Variants in DNAJB4 observed in about 807,000 individuals in gnomAD.
DNAJB4 encodes the protein DnaJ heat shock protein family (Hsp40) member B4.
In DNAJB4, 10 loss-of-function variants were observed where a neutral mutation model predicts 26.6. That is an observed-to-expected ratio of 0.38 (90% CI 0.23 to 0.64). The LOEUF (loss-of-function observed/expected upper bound fraction) is 0.64. Among genes scored for constraint, DNAJB4 ranks in the 30% least tolerant of loss-of-function variants. DNAJB4 has a pLI of 0.58. For missense variants in DNAJB4, 328 were observed against 408.2 expected (o/e 0.80, Z 1.69); for synonymous variants, 136 against 134.8 (o/e 1.01, Z -0.06).
At chr1:78,014,360 G>A (rs1286809705) in intron 2 of DNAJB4, among the ~76,000 whole-genome samples, 1 of 151,878 alleles carries the variant, frequency 6.6e-6, no homozygotes, top group Non-Finnish European at 1.5e-5. Context: ...CACTTGCCTT[G>A]GCCTCCCAAA....
intron 1 of DNAJB4, among the ~76,000 whole-genome samples, chr1:77,983,761 A>G (rs916952959): frequency 3.9e-5 from 6 of 152,322 alleles, no homozygotes; most frequent in Non-Finnish European, 7.4e-5. Flanking sequence ...TTAGTACAGA[A>G]CAAAATGGAG....
At chr1:78,006,876 CTG>C (rs1456077490) in intron 1 of DNAJB4, among the ~76,000 whole-genome samples, 5 of 152,186 alleles carry the variant, frequency 3.3e-5, no homozygotes, top group African/African-American at 4.8e-5. Flanking sequence ...TGGAATGACA[CTG>C]TGAATTCCTG....
intron 1 of DNAJB4, among the ~76,000 whole-genome samples, chr1:78,007,181 A>G (rs1429772872): frequency 6.6e-6 from 1 of 152,028 alleles, no homozygotes; most frequent in Non-Finnish European, 1.5e-5. Flanking sequence ...TAACTTACAT[A>G]ATTGATATAA....
chr1:77,984,747 T>C (rs903703341), intron 1 of DNAJB4, among the ~76,000 whole-genome samples: 2 of 152,210 alleles, frequency 1.3e-5, no homozygotes, highest in Non-Finnish European at 2.9e-5. Context: ...TTTATTCCAC[T>C]TATCATTTTC....
upstream of DNAJB4, among the ~76,000 whole-genome samples, chr1:78,001,755 T>C (rs553768703): frequency 6.6e-5 from 10 of 152,348 alleles, no homozygotes; most frequent in Non-Finnish European, 1.0e-4. Flanking sequence ...CTTGAACTCC[T>C]GAGCTCAAGT....
intron 2 of DNAJB4, 47 bp from the exon 3 acceptor site, chr1:78,015,967 T>A (rs750433369): frequency 6.6e-7 from 1 of 1,516,776 alleles, no homozygotes; most frequent in Non-Finnish European, 9.0e-7. Flanking sequence ...TGCTTAGATT[T>A]TTGAGTTTTG....
Position 78,016,476 on chromosome 1 carries a change from A to G in DNAJB4, c.*229A>G. On this transcript the variant is annotated 3_prime_UTR_variant, in exon 3 of 3. Coordinates refer to ENST00000370763, the MANE Select transcript of DNAJB4 (RefSeq NM_007034.5). ...TTTTATTTCATTTCTCCTGATTCAG[A>G]TATTTTTAGTAATTTGCTTATATGT... is the stretch of plus-strand genomic sequence containing the variant. 2.0e-6 allele frequency: 1 copy of G among 510,070 alleles called. No individual in the cohort carries two copies. Among genetic ancestry groups the G allele is most frequent in the Non-Finnish European group, 3.4e-6 (1 of 292,144 alleles). 31.6% of individuals were successfully genotyped at this position (510,070 alleles called of 1,614,324 possible).
At chr1:78,007,057 A>G (rs1200193436) in intron 1 of DNAJB4, among the ~76,000 whole-genome samples, 1 of 152,150 alleles carries the variant, frequency 6.6e-6, no homozygotes, top group Non-Finnish European at 1.5e-5. Flanking sequence ...TTATCTCTTA[A>G]TAGTGCTTTT....
chr1:77,997,707 T>G (rs1370803788), intron 1 of DNAJB4, among the ~76,000 whole-genome samples: 10 of 152,204 alleles, frequency 6.6e-5, no homozygotes, highest in Admixed American at 6.5e-4. Flanking sequence ...CAGTCTTTCA[T>G]GACTTTGCTC....
chr1:78,014,780 T>C (rs1660589371), intron 2 of DNAJB4, among the ~76,000 whole-genome samples: 1 of 152,006 alleles, frequency 6.6e-6, no homozygotes, highest in African/African-American at 2.4e-5. Flanking sequence ...TTCATATTTT[T>C]AGTAGCGATA....
chr1:77,979,320 G>A (rs1488584905), upstream of DNAJB4: 8 of 330,738 alleles, frequency 2.4e-5, no homozygotes, highest in Middle Eastern at 8.4e-4. Context: ...GTTCCTGCAG[G>A]GTGGTGGGTG....
At position 78,017,573 on chromosome 1, in the gene DNAJB4, AC is replaced by A. The variant is rs1239380504; in HGVS notation, c.*1327del. On this transcript the variant is annotated 3_prime_UTR_variant, in exon 3 of 3. Transcript: ENST00000370763. Reference sequence around the variant, plus strand: ...AATTCAGTGGTTTTTAGTGATATTTACAAAGTGGTACAATCATCATCACTTT... The same window carrying A: ...AATTCAGTGGTTTTTAGTGATATTTAAAAGTGGTACAATCATCATCACTTT... The A allele has an allele frequency of 2.6e-5, 4 of 152,090 alleles. No individual in the cohort carries two copies. Among genetic ancestry groups the A allele is most frequent in the African/African-American group, 9.6e-5 (4 of 41,454 alleles). The allele number at this position is 152,090 out of a possible 1,614,324, so 9.4% of individuals were successfully genotyped here. A position where few individuals can be genotyped will look rare whatever the true frequency, so the allele number is the denominator to read the frequency against.
intron 1 of DNAJB4, among the ~76,000 whole-genome samples, chr1:77,999,825 ATTTTTAAGTCTTTATTC>A (rs1266185862): frequency 2.8e-4 from 43 of 152,278 alleles, no homozygotes; most frequent in African/African-American, 9.6e-4. Flanking sequence ...AAGTATTCAG[ATTTTTAAGTCTTTATTC>A]TTTTGTACTA....
intron 1 of DNAJB4, among the ~76,000 whole-genome samples, chr1:77,980,564 A>G (rs1470701186): frequency 1.3e-5 from 2 of 152,066 alleles, no homozygotes; most frequent in African/African-American, 4.8e-5. Flanking sequence ...TTCCAAAATT[A>G]TTTGTTTAAA....
intron 1 of DNAJB4, among the ~76,000 whole-genome samples, chr1:77,983,621 G>A (rs186166251): frequency 1.3e-5 from 2 of 152,314 alleles, no homozygotes; most frequent in African/African-American, 2.4e-5. Context: ...TCAAGCATCT[G>A]TTTAACAAAG....
chr1:77,986,802 G>T (rs960369158), intron 1 of DNAJB4, among the ~76,000 whole-genome samples: 3 of 152,156 alleles, frequency 2.0e-5, no homozygotes, highest in Non-Finnish European at 4.4e-5. Context: ...AAATCCAGGG[G>T]TAGAGTGGCT....
intron 1 of DNAJB4, among the ~76,000 whole-genome samples, chr1:77,982,925 T>A (rs1480117951): frequency 6.6e-6 from 1 of 152,158 alleles, no homozygotes; most frequent in African/African-American, 2.4e-5. Flanking sequence ...TCCACACCTG[T>A]GGGTGTTTCT....
upstream of DNAJB4, among the ~76,000 whole-genome samples, chr1:78,001,587 A>G (rs186029590): frequency 2.1e-3 from 325 of 152,344 alleles, 1 homozygote; most frequent in African/African-American, 7.3e-3. Flanking sequence ...GTTTTTTATT[A>G]TATATGAATA....
At chr1:78,006,818 T>C (rs1660340208) in intron 1 of DNAJB4, among the ~76,000 whole-genome samples, 1 of 152,248 alleles carries the variant, frequency 6.6e-6, no homozygotes, top group Admixed American at 6.5e-5. Flanking sequence ...AATGTACTAC[T>C]ATTTCTAAAG....
Sources: gnomAD v4.1 joint callset for allele counts (sites outside exome capture counted in the v4.1 genomes callset) on GRCh38, gnomAD v4.1.1 for gene constraint, MANE v1.5 for transcripts, NCBI Gene and HGNC (gene_info 2026-07-23, HGNC 2026-07-21) for gene names.